Variants in PAK2 observed in about 807,000 individuals in gnomAD.
PAK2 encodes p21 (RAC1) activated kinase 2.
In PAK2, 21 loss-of-function variants were observed where a neutral mutation model predicts 65.9. That is an observed-to-expected ratio of 0.32 (90% CI 0.23 to 0.46). The LOEUF (loss-of-function observed/expected upper bound fraction) is 0.46, where lower values mean the gene tolerates loss of function less well. Among genes scored for constraint, PAK2 ranks in the 20% least tolerant of loss-of-function variants. The probability of loss-of-function intolerance (pLI) is 1.00; values close to 1 mark genes in which losing one functional copy is unlikely to be tolerated. For synonymous variants in PAK2, 204 were observed against 219.7 expected, an observed-to-expected ratio of 0.93 and a Z score of 0.63; for missense variants, 324 against 642.6, an observed-to-expected ratio of 0.50 and a Z score of 5.36.
intron 1 of PAK2, among the ~76,000 whole-genome samples, chr3:196,748,614 G>A (rs1444369151): frequency 6.6e-6 from 1 of 152,112 alleles, no homozygotes; most frequent in African/African-American, 2.4e-5. Context: ...CTTTCACTTA[G>A]CAGTATGCAT....
At position 196,750,958 on chromosome 3, in the gene PAK2, A is replaced by G. The variant is rs138890913; in HGVS notation, c.-22+10801A>G. ...CATTAAGTACTCACGTTGTGGTACA[A>G]CTTTCCCTACCATCTGTCTTCAGAA... On this transcript the variant is annotated intron_variant, in intron 1 of 14. Coordinates refer to ENST00000327134, the MANE Select transcript of PAK2 (RefSeq NM_002577.4). Among the ~76,000 whole-genome samples, 407 of 152,200 alleles carry G rather than the reference A, an allele frequency of 2.7e-3. 3 individuals are homozygous for G. The highest frequency in any genetic ancestry group is 4.3e-3 in the Non-Finnish European group (292 of 68,012).
At chr3:196,811,060 A>G (rs1013836277) in intron 8 of PAK2, among the ~76,000 whole-genome samples, 1 of 152,006 alleles carries the variant, frequency 6.6e-6, no homozygotes, top group Admixed American at 6.6e-5. Context: ...TTTAAAGTAT[A>G]CTAACTAAAC....
At chr3:196,794,788 C>T (rs1426716851) in intron 2 of PAK2, among the ~76,000 whole-genome samples, 8 of 152,088 alleles carry the variant, frequency 5.3e-5, no homozygotes, top group Admixed American at 2.0e-4. Flanking sequence ...TGGCAGGAAC[C>T]CTGAGCCACC....
At chr3:196,800,163 T>C (rs1260017742) in intron 2 of PAK2, among the ~76,000 whole-genome samples, 1 of 152,168 alleles carries the variant, frequency 6.6e-6, no homozygotes, top group Non-Finnish European at 1.5e-5. Flanking sequence ...GATGGATCGC[T>C]TGAGGCCAGG....
At chr3:196,777,648 T>G (rs1714579187) in intron 1 of PAK2, among the ~76,000 whole-genome samples, 1 of 152,192 alleles carries the variant, frequency 6.6e-6, no homozygotes, top group Non-Finnish European at 1.5e-5. Context: ...TTGAAGGAGC[T>G]GAGTAGCTTT....
In PAK2 at chr3:196,831,153, G is replaced by A. The variant is rs1712067761; in HGVS notation, c.*2748G>A. ...TCTGCCCACCTTGGCCTCCCAAAGT[G>A]CTGCAGTTACAGGCGTGAGCCACTG... On this transcript the variant is annotated 3_prime_UTR_variant, in exon 15 of 15. Transcript: ENST00000327134. 6.6e-6 allele frequency: 1 copy of A among 152,190 alleles called. No individual in the cohort carries two copies. The highest frequency in any genetic ancestry group is 1.5e-5 in the Non-Finnish European group (1 of 68,060). The allele number at this position is 152,190 out of a possible 1,614,324, so 9.4% of individuals were successfully genotyped here. A position where few individuals can be genotyped will look rare whatever the true frequency, so the allele number is the denominator to read the frequency against.
intron 2 of PAK2, among the ~76,000 whole-genome samples, chr3:196,800,380 T>C (rs1325951367): frequency 2.0e-5 from 3 of 152,016 alleles, no homozygotes; most frequent in Non-Finnish European, 4.4e-5. Flanking sequence ...AGACTCCCTG[T>C]TAAAAAAGAA....
intron 8 of PAK2, among the ~76,000 whole-genome samples, chr3:196,811,222 TCCC>T (rs1715784402): frequency 7.1e-5 from 2 of 28,030 alleles, no homozygotes; most frequent in African/African-American, 1.7e-4. Context: ...CTTCCCTCCC[TCCC>T]TTCCCTTCCC....
intron 2 of PAK2, among the ~76,000 whole-genome samples, chr3:196,800,972 G>T (rs1477417652): frequency 2.6e-5 from 4 of 152,060 alleles, no homozygotes; most frequent in Admixed American, 2.6e-4. Context: ...GAGAGGGAGG[G>T]GGTAGGGGGA....
intron 1 of PAK2, among the ~76,000 whole-genome samples, chr3:196,740,514 A>G (rs1032892302): frequency 6.6e-6 from 1 of 151,994 alleles, no homozygotes; most frequent in Non-Finnish European, 1.5e-5. Flanking sequence ...CGTTTTCTTA[A>G]TGCTGGACCA....
intron 2 of PAK2, among the ~76,000 whole-genome samples, chr3:196,789,333 T>A (rs2037415837): frequency 6.6e-6 from 1 of 152,206 alleles, no homozygotes. Context: ...GGTTATGACT[T>A]AGATCTGTAA....
At chr3:196,808,438 G>A (rs1715658400) in intron 7 of PAK2, among the ~76,000 whole-genome samples, 2 of 151,300 alleles carry the variant, frequency 1.3e-5, no homozygotes, top group Admixed American at 6.6e-5. Context: ...GCATGTGCCT[G>A]TAGTACCAGC....
rs180748535 is a variant in PAK2, at chr3:196,830,768, A to C, written c.*2363A>C. The C allele has an allele frequency of 5.3e-5, 8 of 152,368 alleles. No individual in the cohort carries two copies. The highest frequency in any genetic ancestry group is 1.0e-4 in the Non-Finnish European group (7 of 68,038). The allele number at this position is 152,368 out of a possible 1,614,324, so 9.4% of individuals were successfully genotyped here. On this transcript the variant is annotated 3_prime_UTR_variant, in exon 15 of 15. Transcript: ENST00000327134. ...CTCTAACAGAAATATACTTTGGTTA[A>C]TTTTGAAATGTGTCATTTTTAAACA...
chr3:196,806,666 C>T lies in PAK2; in HGVS notation c.556C>T (p.Arg186Ter). Residue 186 changes from arginine to a stop codon, truncating the protein, a stop_gained, in exon 6 of 15, where the codon CGA becomes TGA. Coordinates refer to ENST00000327134, the MANE Select transcript of PAK2 (RefSeq NM_002577.4). LOFTEE classifies it high-confidence loss of function. Reference protein sequence around the residue: ...EETAPPVIAPRPDHTKSIYTR... With the variant: ...EETAPPVIAP ...GACTGCTCCTCCCGTTATTGCCCCG[C>T]GACCGGATCATACGAAATCAGTGAG... 1 of 1,605,212 alleles carries T rather than the reference C, an allele frequency of 6.2e-7. No individual in the cohort carries two copies. Among genetic ancestry groups the T allele is most frequent in the Non-Finnish European group, 8.5e-7 (1 of 1,172,020 alleles).
At chr3:196,746,626 A>ATGTCTGGTCT in intron 1 of PAK2, among the ~76,000 whole-genome samples, 1 of 152,098 alleles carries the variant, frequency 6.6e-6, no homozygotes, top group South Asian at 2.1e-4. Context: ...AGCCTGACCA[A>ATGTCTGGTCT]CATGGAGAAA....
chr3:196,810,801 G>A lies in PAK2; in HGVS notation c.773+148G>A, dbSNP rs79512358. ...TGGGGGATTTGTGTAAATAAATAATGCAGTTATTTGTAGATGCTGTTAAAA... is the reference window on the plus strand; with the variant it reads ...TGGGGGATTTGTGTAAATAAATAATACAGTTATTTGTAGATGCTGTTAAAA... On this transcript the variant is annotated intron_variant, in intron 8 of 14. Coordinates refer to ENST00000327134, the MANE Select transcript of PAK2 (RefSeq NM_002577.4). 3.9e-3 allele frequency: 2,172 copies of A among 555,654 alleles called. 32 individuals are homozygous for A. Among genetic ancestry groups the A allele is most frequent in the African/African-American group, 0.036 (1,907 of 52,816 alleles). The allele number at this position is 555,654 out of a possible 1,614,324, so 34.4% of individuals were successfully genotyped here.
At position 196,784,847 on chromosome 3, in the gene PAK2, T is replaced by C. The variant is rs1714832467; in HGVS notation, c.187+2014T>C. 3 of 151,788 alleles carry C rather than the reference T, an allele frequency of 2.0e-5. No homozygotes were observed. In the South Asian group the frequency reaches 6.3e-4, roughly 32 times the overall value. The allele number at this position is 151,788 out of a possible 1,614,324, so 9.4% of individuals were successfully genotyped here. ...AACTAGTTTACAGTCCCACCAACAA[T>C]GTAAAAGTGTTCCTATTTCTCCACA... On this transcript the variant is annotated intron_variant, in intron 2 of 14. Coordinates refer to ENST00000327134, the MANE Select transcript of PAK2 (RefSeq NM_002577.4).
chr3:196,805,640 T>C lies in PAK2; in HGVS notation c.468+257T>C, dbSNP rs1715559939. On this transcript the variant is annotated intron_variant, in intron 5 of 14. Coordinates refer to ENST00000327134, the MANE Select transcript of PAK2 (RefSeq NM_002577.4). ...AGTTAGTTTTGGTAATGTTAACATATACAAACGTGAACACAAAGAACTTGC... is the reference window on the plus strand; with the variant it reads ...AGTTAGTTTTGGTAATGTTAACATACACAAACGTGAACACAAAGAACTTGC... Among the ~76,000 whole-genome samples, 4 of 152,136 alleles carry C rather than the reference T, an allele frequency of 2.6e-5. 1 individual carries two copies. The South Asian group carries it at 8.3e-4, about 31-fold the overall frequency.
intron 7 of PAK2, 39 bp downstream of exon 7, chr3:196,807,953 A>G: frequency 6.4e-7 from 1 of 1,570,470 alleles, no homozygotes; most frequent in Non-Finnish European, 8.7e-7. Context: ...TAAATTGTTC[A>G]CGGCTCTTAA....
Sources: gnomAD v4.1 joint callset for allele counts (sites outside exome capture counted in the v4.1 genomes callset) on GRCh38, gnomAD v4.1.1 for gene constraint, MANE v1.5 for transcripts, NCBI Gene and HGNC (gene_info 2026-07-23, HGNC 2026-07-21) for gene names.